The following JMY variants were observed in gnomAD, a reference collection of about 807,000 sequenced individuals.
JMY encodes the protein junction-mediating and -regulatory protein.
A neutral mutation model predicts 103.3 loss-of-function variants in JMY; 46 were observed. The ratio of observed to expected loss-of-function variants is 0.45; its 90% CI spans 0.35 to 0.57. JMY has a LOEUF of 0.57. Among genes scored for constraint, JMY ranks in the 20% least tolerant of loss-of-function variants. JMY has a pLI of 0.00. For synonymous variants in JMY, 526 were observed against 489.3 expected, an observed-to-expected ratio of 1.07 and a Z score of -0.99; for missense variants, 1,238 against 1,255.2, an observed-to-expected ratio of 0.99 and a Z score of 0.21.
intron 6 of JMY, among the ~76,000 whole-genome samples, chr5:79,302,648 C>T (rs1427379859): frequency 2.0e-5 from 3 of 152,114 alleles, no homozygotes; most frequent in East Asian, 1.9e-4. Context: ...TGCTGCAGGG[C>T]GGGGACCAAG....
intron 1 of JMY, among the ~76,000 whole-genome samples, chr5:79,238,648 CTTTTTTTT>C (rs1055172051): frequency 3.3e-5 from 4 of 120,688 alleles, no homozygotes; most frequent in Non-Finnish European, 5.1e-5. Flanking sequence ...TCCGCGCCTT[CTTTTTTTT>C]TTTTTTTTTT....
At chr5:79,241,251 T>G (rs1390128713) in intron 1 of JMY, among the ~76,000 whole-genome samples, 3 of 152,192 alleles carry the variant, frequency 2.0e-5, no homozygotes, top group Admixed American at 6.5e-5. Context: ...ACCTTGGAAC[T>G]CTCTTCTTTG....
rs1580319201 is a variant in JMY at position 79,236,953 on chromosome 5, C to T, written c.303C>T (p.Ser101=). 11 of 1,448,440 alleles carry T rather than the reference C, an allele frequency of 7.6e-6. No homozygotes were observed. In the East Asian group the frequency reaches 2.8e-4, roughly 37 times the overall value. The allele number at this position is 1,448,440 out of a possible 1,614,324, so 89.7% of individuals were successfully genotyped here. ...EATASATLVR[S]PGPRRSSAWA... ...CTGCCTCTGCAACTCTGGTTAGGAGCCCCGGGCCCCGGCGGAGCTCGGCCT... is the reference window on the plus strand; with the variant it reads ...CTGCCTCTGCAACTCTGGTTAGGAGTCCCGGGCCCCGGCGGAGCTCGGCCT... Residue 101 remains serine (S), a synonymous_variant, in exon 1 of 11, where the codon AGC becomes AGT. Transcript: ENST00000396137.
In JMY at chr5:79,274,558, C is replaced by G. The variant is rs116745383; in HGVS notation, c.1033-3352C>G. On this transcript the variant is annotated intron_variant, in intron 1 of 10. Coordinates refer to ENST00000396137, the MANE Select transcript of JMY (RefSeq NM_152405.5). ...CAGTAGCTGGGACTGTAGGTGTGCT[C>G]CTCCACACCTGGCTAATTTTTGTAT... 5.2e-3 allele frequency among the ~76,000 whole-genome samples: 786 copies of G among 152,140 alleles called. 7 individuals carry two copies. The highest frequency in any genetic ancestry group is 0.019 in the African/African-American group (773 of 41,502).
At chr5:79,311,342 C>G (rs1747042740) in intron 7 of JMY, among the ~76,000 whole-genome samples, 2 of 152,030 alleles carry the variant, frequency 1.3e-5, no homozygotes, top group African/African-American at 2.4e-5. Context: ...CTCATACTTT[C>G]TTGTTAGAGT....
chr5:79,300,107 T>C (rs1041061113), intron 4 of JMY, 46 bp from the exon 5 acceptor site: 1 of 1,557,508 alleles, frequency 6.4e-7, no homozygotes, highest in African/African-American at 1.4e-5. Flanking sequence ...CTCAATTTTC[T>C]TGTCCCCACC....
chr5:79,294,136 G>T (rs1172943316), intron 4 of JMY, among the ~76,000 whole-genome samples: 1 of 152,182 alleles, frequency 6.6e-6, no homozygotes, highest in Non-Finnish European at 1.5e-5. Flanking sequence ...GGGCATGGTG[G>T]CTCACGCCTG....
chr5:79,292,461 C>A (rs79417684), intron 4 of JMY, among the ~76,000 whole-genome samples: 16 of 151,936 alleles, frequency 1.1e-4, no homozygotes, highest in South Asian at 4.2e-4. Context: ...ACGCACCCCC[C>A]CCAACACCTT....
intron 2 of JMY, among the ~76,000 whole-genome samples, chr5:79,289,234 CAAAAA>C (rs535416062): frequency 5.4e-5 from 3 of 55,434 alleles, no homozygotes; most frequent in African/African-American, 1.1e-4. Context: ...GACGCCGTCT[CAAAAA>C]AAAAAAAAAA....
chr5:79,312,978 C>CGAT (rs1298106618), intron 8 of JMY, among the ~76,000 whole-genome samples: 1 of 152,052 alleles, frequency 6.6e-6, no homozygotes, highest in Non-Finnish European at 1.5e-5. Flanking sequence ...CCACAGTATC[C>CGAT]ACACATCTCC....
In JMY at chr5:79,314,456, T is replaced by G. The variant is rs1200209539; in HGVS notation, c.2264T>G (p.Leu755Arg). The G allele has an allele frequency of 6.2e-7, 1 of 1,614,008 alleles. No individual in the cohort carries two copies. Among genetic ancestry groups the G allele is most frequent in the South Asian group, 1.1e-5 (1 of 91,074 alleles). ...GPSQTTEPQS[L>R]VQLEDTSLTQ... Reference sequence around the variant, plus strand: ...TCACAGACAACAGAACCCCAGAGCCTTGTGCAACTTGAAGATACTTCATTA... The same window carrying G: ...TCACAGACAACAGAACCCCAGAGCCGTGTGCAACTTGAAGATACTTCATTA... The change falls in exon 9 of 11, where the codon CTT becomes CGT. Residue 755 changes from leucine to arginine, a missense_variant. Leu to Arg is a moderately radical substitution (Grantham distance 102). Coordinates refer to ENST00000396137, the MANE Select transcript of JMY (RefSeq NM_152405.5).
chr5:79,303,976 C>T (rs898715717), intron 6 of JMY, among the ~76,000 whole-genome samples: 1 of 152,130 alleles, frequency 6.6e-6, no homozygotes, highest in Non-Finnish European at 1.5e-5. Context: ...GCCCACAGAG[C>T]TGTGTACTCT....
rs13182512 is a variant in JMY at position 79,277,967 on chromosome 5, A to T, written c.1090A>T (p.Met364Leu). The change falls in exon 2 of 11, where the codon ATG becomes TTG. Residue 364 changes from methionine (M) to leucine (L), a missense_variant. By Grantham distance (15) the Met-to-Leu change is conservative. Coordinates refer to ENST00000396137, the MANE Select transcript of JMY (RefSeq NM_152405.5). ...SMVELLDLYQ[M>L]EDEAYSSLAE... is the part of the protein sequence containing the mutation. The stretch of plus-strand genomic sequence containing the variant: ...GGTGGAGCTTCTGGACTTGTATCAG[A>T]TGGAGGATGAAGCCTACAGCAGCCT... The T allele has an allele frequency of 0.58, 937,822 of 1,613,392 alleles. 277,112 individuals carry two copies. The highest frequency in any genetic ancestry group is 0.61 in the Non-Finnish European group (722,196 of 1,179,560).
rs533251101 is a variant in JMY, at chr5:79,288,722, T to TTTTG, written c.1207-1379_1207-1376dup. On this transcript the variant is annotated intron_variant, in intron 2 of 10. Transcript: ENST00000396137. ...ATTCTTTTTGTTTTGTTTTGTTTTT[T>TTTTG]TTTGTTTGTTTGTTTGTTTGTTTTT... 6.3e-4 allele frequency among the ~76,000 whole-genome samples: 95 copies of TTTTG among 151,938 alleles called. 1 individual carries two copies. Among genetic ancestry groups the TTTTG allele is most frequent in the African/African-American group, 2.1e-3 (87 of 41,386 alleles).
At chr5:79,302,481 C>T (rs942472774) in intron 6 of JMY, among the ~76,000 whole-genome samples, 1 of 152,156 alleles carries the variant, frequency 6.6e-6, no homozygotes, top group African/African-American at 2.4e-5. Flanking sequence ...AAAGGCTTCT[C>T]TGAAGAGATG....
At chr5:79,319,821 C>T (rs892921761) in intron 10 of JMY, among the ~76,000 whole-genome samples, 3 of 152,224 alleles carry the variant, frequency 2.0e-5, no homozygotes, top group South Asian at 2.1e-4. Flanking sequence ...CTCAGGTGAT[C>T]CACCTGCTTC....
chr5:79,254,433 A>C (rs1398977913), intron 1 of JMY, among the ~76,000 whole-genome samples: 1 of 152,166 alleles, frequency 6.6e-6, no homozygotes, highest in Non-Finnish European at 1.5e-5. Context: ...ATTCTATTCT[A>C]GGGTAAAAGA....
chr5:79,306,519 G>T, intron 7 of JMY, 58 bp downstream of exon 7: 1 of 1,133,932 alleles, frequency 8.8e-7, no homozygotes, highest in South Asian at 1.3e-5. Flanking sequence ...GTTTTAGAGT[G>T]GATAAAATCT....
At position 79,322,587 on chromosome 5, in the gene JMY, C is replaced by G. The variant is rs1428418145; in HGVS notation, c.*985C>G. 6.6e-6 allele frequency: 1 copy of G among 152,208 alleles called. No homozygotes were observed. Among genetic ancestry groups the G allele is most frequent in the East Asian group, 1.9e-4 (1 of 5,200 alleles). The allele number at this position is 152,208 out of a possible 1,614,324, so 9.4% of individuals were successfully genotyped here. On this transcript the variant is annotated 3_prime_UTR_variant, in exon 11 of 11. Transcript: ENST00000396137. ...ACAAAGATAGAAAGTAGAGACAAGTCTCCGTGGCTGGCATTTCACCATCTT... is the reference window on the plus strand; with the variant it reads ...ACAAAGATAGAAAGTAGAGACAAGTGTCCGTGGCTGGCATTTCACCATCTT...
Sources: gnomAD v4.1 joint callset for allele counts (sites outside exome capture counted in the v4.1 genomes callset) on GRCh38, gnomAD v4.1.1 for gene constraint, MANE v1.5 for transcripts, NCBI Gene and HGNC (gene_info 2026-07-23, HGNC 2026-07-21) for gene names.